Variants in ZNF43 observed in about 807,000 individuals in gnomAD.
ZNF43 encodes the protein zinc finger protein 39-like 1 (KOX 27).
A neutral mutation model predicts 68.4 loss-of-function variants in ZNF43; 44 were observed. That is an observed-to-expected ratio of 0.64 (90% CI 0.51 to 0.83). The LOEUF (loss-of-function observed/expected upper bound fraction) is 0.83, where lower values mean the gene tolerates loss of function less well. Ranked by LOEUF, ZNF43 falls within the 40% of genes least tolerant of loss-of-function variation. ZNF43 has a pLI of 0.00. For missense variants in ZNF43, 896 were observed against 933.2 expected (o/e 0.96, Z 0.52); for synonymous variants, 308 against 307.8 (o/e 1.00, Z -0.01).
upstream of ZNF43, chr19:21,836,346 G>A: frequency 9.8e-7 from 1 of 1,018,458 alleles, no homozygotes; most frequent in Non-Finnish European, 1.3e-6. Flanking sequence ...AAGAAAGAAT[G>A]ACAGCCTAGG....
Position 21,817,881 on chromosome 19 carries a change from C to T in ZNF43, c.229+7G>A. On this transcript the variant is annotated splice_region_variant and intron_variant, in intron 3 of 3. Transcript: ENST00000354959. ...TGTTTGTTGTATTCACTTTCACTCTCACCTACCTGGGGGTTTGGCTACCAT... is the reference window on the plus strand; with the variant it reads ...TGTTTGTTGTATTCACTTTCACTCTTACCTACCTGGGGGTTTGGCTACCAT... 1 of 1,611,754 alleles carries T rather than the reference C, an allele frequency of 6.2e-7. No individual in the cohort carries two copies. The highest frequency in any genetic ancestry group is 2.2e-5 in the East Asian group (1 of 44,806).
At chr19:21,830,060 T>G (rs1340635493) in intron 1 of ZNF43, among the ~76,000 whole-genome samples, 1 of 152,034 alleles carries the variant, frequency 6.6e-6, no homozygotes, top group Non-Finnish European at 1.5e-5. Flanking sequence ...GAGACCAGCC[T>G]GGCAAAATAG....
At chr19:21,825,291 A>G (rs1242783923) in intron 1 of ZNF43, among the ~76,000 whole-genome samples, 3 of 152,174 alleles carry the variant, frequency 2.0e-5, no homozygotes, top group Non-Finnish European at 4.4e-5. Context: ...TTATTTATTT[A>G]CAGAAATAAC....
intron 1 of ZNF43, among the ~76,000 whole-genome samples, chr19:21,831,589 G>A (rs1040477621): frequency 6.6e-6 from 1 of 152,086 alleles, no homozygotes; most frequent in Admixed American, 6.6e-5. Flanking sequence ...TCGAACTCCT[G>A]ACCTTGTGAT....
chr19:21,823,570 CCTT>C (rs1281974275), intron 1 of ZNF43, among the ~76,000 whole-genome samples: 4 of 129,920 alleles, frequency 3.1e-5, no homozygotes, highest in South Asian at 2.4e-4. Flanking sequence ...AAGAATCAGG[CCTT>C]TTTTTTTTTT....
chr19:21,823,767 C>G (rs903148318), intron 1 of ZNF43, among the ~76,000 whole-genome samples: 4 of 151,978 alleles, frequency 2.6e-5, no homozygotes, highest in African/African-American at 9.7e-5. Context: ...TGGGGTTACA[C>G]CATGTTGGTC....
chr19:21,832,657 G>A (rs1029400631), intron 1 of ZNF43, among the ~76,000 whole-genome samples: 3 of 152,152 alleles, frequency 2.0e-5, no homozygotes, highest in Non-Finnish European at 4.4e-5. Flanking sequence ...ACAAGGTCAG[G>A]AGTTCGAGAC....
chr19:21,825,086 T>A (rs1427348611), intron 1 of ZNF43, among the ~76,000 whole-genome samples: 1 of 152,064 alleles, frequency 6.6e-6, no homozygotes, highest in Admixed American at 6.6e-5. Context: ...TACAAAAAAT[T>A]AGCCGGGCAT....
rs1273462599 is a variant in ZNF43, at chr19:21,809,473, A to G, written c.564T>C (p.His188=). The G allele has an allele frequency of 6.2e-7, 1 of 1,613,746 alleles. No individual in the cohort carries two copies. The highest frequency in any genetic ancestry group is 1.7e-5 in the Admixed American group (1 of 59,952). The change falls in exon 4 of 4, where the codon CAT becomes CAC. Residue 188 remains histidine, a synonymous_variant. Coordinates refer to ENST00000354959, the MANE Select transcript of ZNF43 (RefSeq NM_003423.4). ...ECGKSFCMLP[H]LAQHKIIHTR... is the part of the protein sequence containing the mutation. ...TATGAATTATTTTATGTTGAGCTAGATGTGGAAGCATGCAAAATGATTTGC... is the reference window on the plus strand; with the variant it reads ...TATGAATTATTTTATGTTGAGCTAGGTGTGGAAGCATGCAAAATGATTTGC...
Position 21,807,283 on chromosome 19 carries a change from C to T in ZNF43, c.*324G>A, listed in dbSNP as rs1160868771. ...TGTCTTCAGAATGAATTATCTTCTT[C>T]ACTTTAAAGGCTTTTATTTTCTGAA... is the stretch of plus-strand genomic sequence containing the variant. On this transcript the variant is annotated 3_prime_UTR_variant, in exon 4 of 4. Transcript: ENST00000354959. The T allele has an allele frequency of 5.5e-6, 1 of 183,422 alleles. No homozygotes were observed. The highest frequency in any genetic ancestry group is 1.1e-5 in the Non-Finnish European group (1 of 88,348). The allele number at this position is 183,422 out of a possible 1,614,324, so 11.4% of individuals were successfully genotyped here.
chr19:21,829,172 C>T (rs897776988), intron 1 of ZNF43, among the ~76,000 whole-genome samples: 2 of 151,248 alleles, frequency 1.3e-5, no homozygotes, highest in East Asian at 1.9e-4. Flanking sequence ...CACAGTGAAC[C>T]GAGATCGTGC....
intron 1 of ZNF43, chr19:21,826,630 G>C (rs945773930): frequency 6.6e-6 from 1 of 152,336 alleles, no homozygotes; most frequent in African/African-American, 2.4e-5. Context: ...CAGGTCAAGA[G>C]ATCGAGACCA....
At chr19:21,831,261 C>T (rs2038410875) in intron 1 of ZNF43, among the ~76,000 whole-genome samples, 1 of 152,056 alleles carries the variant, frequency 6.6e-6, no homozygotes, top group African/African-American at 2.4e-5. Context: ...AGCAATCAGG[C>T]AAGATAAAGA....
At position 21,808,881 on chromosome 19, in the gene ZNF43, T is replaced by A; in HGVS notation, c.1156A>T (p.Thr386Ser). Residue 386 changes from threonine to serine, a missense_variant, in exon 4 of 4, where the codon ACT (threonine) becomes TCT (serine). Physicochemically the swap from Thr to Ser is moderately conservative, Grantham distance 58. Coordinates refer to ENST00000354959, the MANE Select transcript of ZNF43 (RefSeq NM_003423.4). The stretch of plus-strand genomic sequence containing the variant: ...TCAGTATGAATTTTCTTATGTTTAG[T>A]AAGGTTTGAGGACCGGCTAAAAGCT... Reference protein sequence around the residue: ...GEAFSRSSNLTKHKKIHTEKK... With the variant: ...GEAFSRSSNLSKHKKIHTEKK... 2 of 1,613,912 alleles carry A rather than the reference T, an allele frequency of 1.2e-6. No individual in the cohort carries two copies. The highest frequency in any genetic ancestry group is 1.7e-6 in the Non-Finnish European group (2 of 1,179,870).
chr19:21,848,006 A>T (rs1475736876), intron 1 of ZNF43, among the ~76,000 whole-genome samples: 1 of 150,734 alleles, frequency 6.6e-6, no homozygotes, highest in East Asian at 2.0e-4. Flanking sequence ...TATTTTTAGT[A>T]GAGACGTTTC....
rs1183072117 is a variant in ZNF43, at chr19:21,805,129, A to G, written c.*2478T>C. 1 of 152,222 alleles carries G rather than the reference A, an allele frequency of 6.6e-6. No individual in the cohort carries two copies. Among genetic ancestry groups the G allele is most frequent in the Non-Finnish European group, 1.5e-5 (1 of 68,044 alleles). 9.4% of individuals were successfully genotyped at this position (152,222 alleles called of 1,614,324 possible). On this transcript the variant is annotated 3_prime_UTR_variant, in exon 4 of 4. Transcript: ENST00000354959. ...TACTTTATCCTGATGTGACTAATAC[A>G]TATTATATGCCTGTATCAAAACATG...
At position 21,822,135 on chromosome 19, in the gene ZNF43, C is replaced by G. The variant is rs577403585; in HGVS notation, c.4-2914G>C. Among the ~76,000 whole-genome samples the G allele has an allele frequency of 4.2e-5, 4 of 95,914 alleles. 1 individual carries two copies. The South Asian group carries it at 1.0e-3, about 25-fold the overall frequency. The allele number at this position is 95,914 out of a possible 152,430, so 62.9% of individuals were successfully genotyped here. A position where few individuals can be genotyped will look rare whatever the true frequency, so the allele number is the denominator to read the frequency against. On this transcript the variant is annotated intron_variant, in intron 1 of 3. Transcript: ENST00000354959. The stretch of plus-strand genomic sequence containing the variant: ...GATTCAGCAAGAATGAACTGCTCCA[C>G]GGAGATGCTAATATGAGTTTCACCT...
intron 2 of ZNF43, 110 bp downstream of exon 2, chr19:21,818,985 A>C (rs908360596): frequency 7.0e-7 from 1 of 1,427,410 alleles, no homozygotes; most frequent in African/African-American, 1.5e-5. Context: ...TGAAAACAGG[A>C]ATCTGAAACT....
At chr19:21,825,920 T>C (rs1283479381) in intron 1 of ZNF43, among the ~76,000 whole-genome samples, 1 of 152,062 alleles carries the variant, frequency 6.6e-6, no homozygotes, top group Admixed American at 6.6e-5. Flanking sequence ...ATGGTGGAAC[T>C]CACCTGTAGT....
Sources: gnomAD v4.1 joint callset for allele counts (sites outside exome capture counted in the v4.1 genomes callset) on GRCh38, gnomAD v4.1.1 for gene constraint, MANE v1.5 for transcripts, NCBI Gene and HGNC (gene_info 2026-07-23, HGNC 2026-07-21) for gene names.